TSHZ2: variants seen among roughly 807,000 people sequenced by gnomAD.
TSHZ2 encodes the protein teashirt zinc finger homeobox 2.
Under a neutral mutation model 74.4 loss-of-function variants are expected in TSHZ2, and 21 were observed. That is an observed-to-expected ratio of 0.28 (90% CI 0.20 to 0.41). The LOEUF is 0.41. Among genes scored for constraint, TSHZ2 ranks in the 10% least tolerant of loss-of-function variants. The probability of loss-of-function intolerance (pLI) is 1.00; values close to 1 mark genes in which losing one functional copy is unlikely to be tolerated. For synonymous variants in TSHZ2, 540 were observed against 515.3 expected (o/e 1.05, Z -0.65); for missense variants, 1,244 against 1,293.5 (o/e 0.96, Z 0.59).
chr20:53,150,759 G>T (rs570966297), intron 1 of TSHZ2, among the ~76,000 whole-genome samples: 26 of 151,910 alleles, frequency 1.7e-4, no homozygotes, highest in African/African-American at 5.8e-4. Context: ...GGAAGGAGAA[G>T]ATCTTAAAAA....
chr20:53,426,987 C>T (rs1983679504), intron 2 of TSHZ2, among the ~76,000 whole-genome samples: 1 of 152,146 alleles, frequency 6.6e-6, no homozygotes, highest in African/African-American at 2.4e-5. Context: ...TTAAACTTGT[C>T]ACAGGGCTTG....
chr20:53,249,182 T>C (rs1312841609), intron 1 of TSHZ2, among the ~76,000 whole-genome samples: 1 of 152,220 alleles, frequency 6.6e-6, no homozygotes, highest in Non-Finnish European at 1.5e-5. Flanking sequence ...ATTAGCATGA[T>C]TGTAATTCAC....
At chr20:53,166,905 C>T (rs1988075908) in intron 1 of TSHZ2, among the ~76,000 whole-genome samples, 1 of 152,026 alleles carries the variant, frequency 6.6e-6, no homozygotes, top group South Asian at 2.1e-4. Flanking sequence ...ATCTCAGATG[C>T]TGCTAAGTAT....
At chr20:53,148,658 T>G (rs967754891) in intron 1 of TSHZ2, among the ~76,000 whole-genome samples, 13 of 151,880 alleles carry the variant, frequency 8.6e-5, no homozygotes, top group African/African-American at 2.9e-4. Context: ...GGGGTGGGGG[T>G]TGATACAAAA....
rs115166871 is a variant in TSHZ2, at chr20:53,012,119, A to G, written c.40+38786A>G. Among the ~76,000 whole-genome samples the G allele has an allele frequency of 6.8e-3, 1,040 of 152,298 alleles. 11 individuals carry two copies. Among genetic ancestry groups the G allele is most frequent in the African/African-American group, 0.024 (991 of 41,552 alleles). ...TTCAGAGAGGTACTCATACAGATTT[A>G]TACTTCAATGTACAATATTTCGAGA... On this transcript the variant is annotated intron_variant, in intron 1 of 2. Coordinates refer to ENST00000371497, the MANE Select transcript of TSHZ2 (RefSeq NM_173485.6).
chr20:53,362,924 C>T (rs568418958), intron 2 of TSHZ2, among the ~76,000 whole-genome samples: 24 of 152,218 alleles, frequency 1.6e-4, no homozygotes, highest in African/African-American at 5.5e-4. Context: ...AGGTGTCCTC[C>T]GCCAACACCT....
chr20:53,195,197 T>C (rs1988831755), intron 1 of TSHZ2, among the ~76,000 whole-genome samples: 1 of 152,154 alleles, frequency 6.6e-6, no homozygotes, highest in African/African-American at 2.4e-5. Flanking sequence ...CAACTGGCAT[T>C]GAATGAATGG....
intron 1 of TSHZ2, among the ~76,000 whole-genome samples, chr20:53,192,481 G>A (rs1309521582): frequency 1.3e-5 from 2 of 151,502 alleles, no homozygotes; most frequent in Admixed American, 1.3e-4. Flanking sequence ...TGACTCCCTT[G>A]TGGGCATTTG....
chr20:53,265,523 C>T lies in TSHZ2; in HGVS notation c.*8+8952C>T, dbSNP rs946514754. Among the ~76,000 whole-genome samples the T allele has an allele frequency of 5.4e-4, 82 of 152,154 alleles. 1 individual carries two copies. Among genetic ancestry groups the T allele is most frequent in the Non-Finnish European group, 1.0e-4 (7 of 68,034 alleles). Reference sequence around the variant, plus strand: ...CCAGCCCCGCAGCGTTAACCTACTCCGTGGGGGCTCAGCCCACCTCTGTGA... The same window carrying T: ...CCAGCCCCGCAGCGTTAACCTACTCTGTGGGGGCTCAGCCCACCTCTGTGA... On this transcript the variant is annotated intron_variant, in intron 2 of 2. Transcript: ENST00000371497.
chr20:53,243,809 G>A (rs1990130307), intron 1 of TSHZ2, among the ~76,000 whole-genome samples: 1 of 145,370 alleles, frequency 6.9e-6, no homozygotes, highest in Non-Finnish European at 1.5e-5. Flanking sequence ...TGGGTTTCTT[G>A]CTTGCTTGCT....
chr20:53,132,313 A>ATTTT (rs552180228), intron 1 of TSHZ2, among the ~76,000 whole-genome samples: 7,892 of 139,210 alleles, frequency 0.057, 606 homozygotes, highest in African/African-American at 0.17. Flanking sequence ...TCTGCCCCTA[A>ATTTT]TTTTTTTTTT....
intron 1 of TSHZ2, among the ~76,000 whole-genome samples, chr20:53,015,985 T>A (rs1338102413): frequency 6.6e-6 from 1 of 152,176 alleles, no homozygotes; most frequent in Non-Finnish European, 1.5e-5. Context: ...TGATAAATAA[T>A]CATGCCCTGC....
intron 2 of TSHZ2, among the ~76,000 whole-genome samples, chr20:53,262,433 C>T (rs1181933884): frequency 6.6e-6 from 1 of 152,188 alleles, no homozygotes; most frequent in Admixed American, 6.5e-5. Flanking sequence ...AAGCATTCAG[C>T]TATAATTTCT....
chr20:53,415,337 A>G (rs142792623), intron 2 of TSHZ2, among the ~76,000 whole-genome samples: 2,994 of 152,276 alleles, frequency 0.02, 92 homozygotes, highest in African/African-American at 0.064. Context: ...GCAATGATAA[A>G]ATGATCAGTA....
At chr20:53,472,751 T>C (rs1417935197) in intron 2 of TSHZ2, among the ~76,000 whole-genome samples, 40 of 151,026 alleles carry the variant, frequency 2.6e-4, no homozygotes, top group Non-Finnish European at 4.4e-4. Flanking sequence ...GGTACCAGGT[T>C]CATCTCACTA....
chr20:52,993,277 G>A (rs572416903), intron 1 of TSHZ2, among the ~76,000 whole-genome samples: 19 of 151,974 alleles, frequency 1.3e-4, no homozygotes, highest in African/African-American at 4.3e-4. Context: ...GCATTCCCCC[G>A]GGCAACATAA....
At chr20:53,178,655 T>C (rs570625282) in intron 1 of TSHZ2, 2 of 152,350 alleles carry the variant, frequency 1.3e-5, no homozygotes, top group South Asian at 4.1e-4. Context: ...AATCATGTTT[T>C]ATGGAGTTTG....
At chr20:53,382,503 T>C (rs773034638) in intron 2 of TSHZ2, among the ~76,000 whole-genome samples, 5 of 152,072 alleles carry the variant, frequency 3.3e-5, no homozygotes, top group Admixed American at 2.0e-4. Context: ...TATCCCACCA[T>C]ATGAGCCAAT....
At position 53,332,981 on chromosome 20, in the gene TSHZ2, A is replaced by G. The variant is rs532295481; in HGVS notation, c.*8+76410A>G. ...TTCTTTCAGCTCCTGCATTAACTAC[A>G]CTGGTGTGTGTGATTCTCTCTCCCA... On this transcript the variant is annotated intron_variant, in intron 2 of 2. Coordinates refer to ENST00000371497, the MANE Select transcript of TSHZ2 (RefSeq NM_173485.6). Among the ~76,000 whole-genome samples the G allele has an allele frequency of 2.6e-5, 4 of 152,162 alleles. No homozygotes were observed. In the East Asian group the frequency reaches 7.7e-4, roughly 29 times the overall value.
Sources: allele counts gnomAD v4.1 joint callset (sites outside exome capture counted in the v4.1 genomes callset), GRCh38; gene constraint gnomAD v4.1.1; transcripts MANE v1.5; gene names NCBI Gene and HGNC (gene_info 2026-07-23, HGNC 2026-07-21).